The following RBM19 variants were observed in gnomAD, a reference collection of about 807,000 sequenced individuals.
RBM19 encodes probable RNA-binding protein 19.
RBM19 carries 94 observed loss-of-function variants against 116.8 expected under a neutral mutation model. That is an observed-to-expected ratio of 0.80 (90% CI 0.68 to 0.95). RBM19 has a LOEUF of 0.95. RBM19 is among the 40% of genes least tolerant of loss of function. The pLI, the probability that RBM19 is intolerant of heterozygous loss-of-function variation, is 0.00. For synonymous variants in RBM19, 475 were observed against 494.1 expected, an observed-to-expected ratio of 0.96 and a Z score of 0.51; for missense variants, 1,161 against 1,220.7, an observed-to-expected ratio of 0.95 and a Z score of 0.73.
intron 1 of RBM19, among the ~76,000 whole-genome samples, chr12:113,964,762 A>T (rs7980795): frequency 1.3e-5 from 2 of 151,924 alleles, no homozygotes; most frequent in Admixed American, 1.3e-4. Context: ...TACACTCCTC[A>T]AATATACAGA....
At chr12:113,837,732 T>A (rs558900595) in intron 23 of RBM19, among the ~76,000 whole-genome samples, 1 of 152,362 alleles carries the variant, frequency 6.6e-6, no homozygotes, top group Admixed American at 6.5e-5. Flanking sequence ...GGCTCTGTGG[T>A]CAGTAGCTGG....
At chr12:113,867,742 G>T (rs1251275776) in intron 21 of RBM19, among the ~76,000 whole-genome samples, 5 of 152,120 alleles carry the variant, frequency 3.3e-5, no homozygotes, top group Non-Finnish European at 5.9e-5. Context: ...CCAACATGGT[G>T]AAGCCCCATT....
rs777029800 is a variant in RBM19 at position 113,955,117 on chromosome 12, CAGTT to C, written c.921+10_921+13del. 110 of 1,613,478 alleles carry C rather than the reference CAGTT, an allele frequency of 6.8e-5. No individual in the cohort carries two copies. Among genetic ancestry groups the C allele is most frequent in the Admixed American group, 1.5e-4 (9 of 60,004 alleles). ...CCCGCAGGCTGCCGACCCTTGTCCTCAGTTAGCACATACCTCTGTGACATTGAAC... is the reference window on the plus strand; with the variant it reads ...CCCGCAGGCTGCCGACCCTTGTCCTCAGCACATACCTCTGTGACATTGAAC... On this transcript the variant is annotated intron_variant, in intron 7 of 23. Coordinates refer to ENST00000261741, the MANE Select transcript of RBM19 (RefSeq NM_016196.4).
intron 21 of RBM19, among the ~76,000 whole-genome samples, chr12:113,890,379 A>G (rs1230152872): frequency 6.6e-6 from 1 of 152,144 alleles, no homozygotes; most frequent in African/African-American, 2.4e-5. Context: ...GGTGGGCTGG[A>G]ATATTATTCA....
At chr12:113,899,276 T>C (rs1881529739) in intron 21 of RBM19, among the ~76,000 whole-genome samples, 1 of 152,192 alleles carries the variant, frequency 6.6e-6, no homozygotes, top group Non-Finnish European at 1.5e-5. Context: ...CAGCCTAGTC[T>C]CCTGGCTCCT....
At chr12:113,860,376 C>A (rs906666319) in intron 21 of RBM19, among the ~76,000 whole-genome samples, 11 of 152,254 alleles carry the variant, frequency 7.2e-5, no homozygotes, top group African/African-American at 2.7e-4. Flanking sequence ...TTCCCTCCAC[C>A]AAAGCCCCTC....
chr12:113,949,961 T>C (rs1420624928), intron 9 of RBM19, 122 bp downstream of exon 9: 1 of 898,712 alleles, frequency 1.1e-6, no homozygotes, highest in Non-Finnish European at 1.7e-6. Flanking sequence ...CCTAGAACAG[T>C]GTCTGCAGAG....
At chr12:113,865,292 G>A (rs778876241) in intron 21 of RBM19, among the ~76,000 whole-genome samples, 37 of 152,194 alleles carry the variant, frequency 2.4e-4, no homozygotes, top group Middle Eastern at 6.8e-3. Context: ...TTTCACAATT[G>A]ACTCTTTCTT....
At chr12:113,861,994 T>G (rs1380221183) in intron 21 of RBM19, among the ~76,000 whole-genome samples, 1 of 152,158 alleles carries the variant, frequency 6.6e-6, no homozygotes, top group Non-Finnish European at 1.5e-5. Flanking sequence ...GTCAGAGAAA[T>G]GGCTACAGTG....
In RBM19 at chr12:113,920,642, T is replaced by C. The variant is rs773637304; in HGVS notation, c.2354A>G (p.Glu785Gly). The change falls in exon 19 of 24, where the codon GAG (glutamate) becomes GGG (glycine). Residue 785 changes from glutamate to glycine, a missense_variant. Coordinates refer to ENST00000261741, the MANE Select transcript of RBM19 (RefSeq NM_016196.4). The stretch of plus-strand genomic sequence containing the variant: ...CTGCTTGAGAGCTTTCTGGGCTTGC[T>C]CCGGCTTCCTGTATTCCACAAATCC... ...GFGFVEYRKP[E>G]QAQKALKQLQ... is the part of the protein sequence containing the mutation. 19 of 1,614,028 alleles carry C rather than the reference T, an allele frequency of 1.2e-5. No individual in the cohort carries two copies. In the Admixed American group the frequency reaches 3.0e-4, roughly 25 times the overall value.
intron 21 of RBM19, among the ~76,000 whole-genome samples, chr12:113,860,200 G>T (rs1249838321): frequency 6.6e-6 from 1 of 152,226 alleles, no homozygotes. Context: ...AACGTGGGGA[G>T]TGGAGCCCGG....
At position 113,962,315 on chromosome 12, in the gene RBM19, A is replaced by C. The variant is rs768423520; in HGVS notation, c.136T>G (p.Phe46Val). The C allele has an allele frequency of 6.2e-7, 1 of 1,614,242 alleles. No homozygotes were observed. Reference protein sequence around the residue: ...TKDGKFRKFGFIGFKSEEEAQ... With the variant: ...TKDGKFRKFGVIGFKSEEEAQ... Reference sequence around the variant, plus strand: ...TCTTCCTCGGACTTGAAGCCAATAAAACCAAACTTGCGGAACTTGCCATCT... The same window carrying C: ...TCTTCCTCGGACTTGAAGCCAATAACACCAAACTTGCGGAACTTGCCATCT... Residue 46 changes from phenylalanine (F) to valine (V), a missense_variant, in exon 2 of 24, where the codon TTT (phenylalanine) becomes GTT (valine). Transcript: ENST00000261741.
chr12:113,898,998 AATAAC>A lies in RBM19; in HGVS notation c.2558+15966_2558+15970del, dbSNP rs1437040427. ...TGAGTTTTATATTTGTACATAGTTAAATAACATAATAATAAAAATATTTACATTAT... is the reference window on the plus strand; with the variant it reads ...TGAGTTTTATATTTGTACATAGTTAAATAATAATAAAAATATTTACATTAT... On this transcript the variant is annotated intron_variant, in intron 21 of 23. Coordinates refer to ENST00000261741, the MANE Select transcript of RBM19 (RefSeq NM_016196.4). The surrounding 1 kb of genome is among the most constrained non-coding windows in gnomAD (Gnocchi z 4.3). Among the ~76,000 whole-genome samples the A allele has an allele frequency of 1.3e-5, 2 of 152,238 alleles. No homozygotes were observed. The highest frequency in any genetic ancestry group is 4.8e-5 in the African/African-American group (2 of 41,462).
intron 21 of RBM19, among the ~76,000 whole-genome samples, chr12:113,901,495 T>C (rs552792641): frequency 6.8e-6 from 1 of 146,160 alleles, no homozygotes; most frequent in Admixed American, 7.0e-5. Context: ...GAATTCCTTC[T>C]TTTATTCATT....
At chr12:113,917,101 C>G (rs1882817466) in intron 20 of RBM19, among the ~76,000 whole-genome samples, 1 of 152,194 alleles carries the variant, frequency 6.6e-6, no homozygotes, top group Admixed American at 6.5e-5. Flanking sequence ...TGTAAACTCC[C>G]AAGGAAACAC....
rs750682193 is a variant in RBM19 at position 113,949,048 on chromosome 12, A to G, written c.1073-12T>C. On this transcript the variant is annotated splice_polypyrimidine_tract_variant and intron_variant, in intron 9 of 23. Transcript: ENST00000261741. ...GATGTAGCGCCCACCTGCAATGAAG[A>G]GGAGTCAGGGCTCCAGGGGGAGGCC... The G allele has an allele frequency of 6.2e-7, 1 of 1,608,314 alleles. No homozygotes were observed. The highest frequency in any genetic ancestry group is 2.2e-5 in the East Asian group (1 of 44,780).
rs150759595 is a variant in RBM19 at position 113,869,778 on chromosome 12, C to T, written c.2559-10882G>A. On this transcript the variant is annotated intron_variant, in intron 21 of 23. Coordinates refer to ENST00000261741, the MANE Select transcript of RBM19 (RefSeq NM_016196.4). ...AAAAATGGTTCAAGAATTAATCAGC[C>T]GCATATCTTGCTTTTTGCTATTATC... Among the ~76,000 whole-genome samples the T allele has an allele frequency of 9.9e-4, 151 of 152,286 alleles. 1 individual carries two copies. The highest frequency in any genetic ancestry group is 3.4e-3 in the African/African-American group (140 of 41,560).
In RBM19 at chr12:113,898,412, A is replaced by G. The variant is rs1168833767; in HGVS notation, c.2558+16557T>C. Reference sequence around the variant, plus strand: ...TGCCTTTGGACACTAGAGTGTTCAGATCATGTCTCTGCACCTAACCAACTG... The same window carrying G: ...TGCCTTTGGACACTAGAGTGTTCAGGTCATGTCTCTGCACCTAACCAACTG... On this transcript the variant is annotated intron_variant, in intron 21 of 23. Transcript: ENST00000261741. This position sits in a 1 kb window ranked among gnomAD's most constrained non-coding sequence, Gnocchi z 4.3. Among the ~76,000 whole-genome samples, 1 of 152,204 alleles carries G rather than the reference A, an allele frequency of 6.6e-6. No homozygotes were observed. Among genetic ancestry groups the G allele is most frequent in the East Asian group, 1.9e-4 (1 of 5,200 alleles).
At chr12:113,823,756 C>T (rs556018128) in intron 23 of RBM19, among the ~76,000 whole-genome samples, 1 of 152,278 alleles carries the variant, frequency 6.6e-6, no homozygotes, top group African/African-American at 2.4e-5. Flanking sequence ...TTCCTCACAG[C>T]AGGTCAGAGC....
Sources: allele counts gnomAD v4.1 joint callset (sites outside exome capture counted in the v4.1 genomes callset), GRCh38; gene constraint gnomAD v4.1.1; non-coding constraint Gnocchi (gnomAD v3.1); transcripts MANE v1.5; gene names NCBI Gene and HGNC (gene_info 2026-07-23, HGNC 2026-07-21).